Variants in TYW1B observed in about 807,000 individuals in gnomAD.
The protein encoded by TYW1B is tRNA-yW synthesizing protein 1 homolog B.
TYW1B carries 73 observed loss-of-function variants against 86.9 expected under a neutral mutation model. The ratio of observed to expected loss-of-function variants is 0.84; its 90% CI spans 0.70 to 1.02. The LOEUF is 1.02. TYW1B is among the 50% of genes least tolerant of loss of function. The pLI is 0.00. For synonymous variants in TYW1B, 248 were observed against 292.8 expected, an observed-to-expected ratio of 0.85 and a Z score of 1.56; for missense variants, 637 against 827.4, an observed-to-expected ratio of 0.77 and a Z score of 2.82.
intron 11 of TYW1B, among the ~76,000 whole-genome samples, chr7:72,688,582 C>T (rs558479914): frequency 2.0e-5 from 3 of 152,194 alleles, no homozygotes; most frequent in Admixed American, 1.3e-4. Flanking sequence ...ATGTGCTTCA[C>T]GTTGAAAGCT....
chr7:72,707,174 G>A (rs1814634024), intron 10 of TYW1B, among the ~76,000 whole-genome samples: 1 of 152,248 alleles, frequency 6.6e-6, no homozygotes, highest in South Asian at 2.1e-4. Flanking sequence ...TGTGTGACTT[G>A]CTTTGGTCCA....
chr7:72,598,227 C>T (rs1339262710), intron 13 of TYW1B, among the ~76,000 whole-genome samples: 4 of 151,874 alleles, frequency 2.6e-5, no homozygotes, highest in African/African-American at 7.3e-5. Context: ...TAGCCTCCCA[C>T]CCTACATCTC....
At chr7:72,595,199 AT>A (rs1336341248) in intron 13 of TYW1B, among the ~76,000 whole-genome samples, 1 of 152,214 alleles carries the variant, frequency 6.6e-6, no homozygotes, top group Non-Finnish European at 1.5e-5. Flanking sequence ...AAGTAAAATA[AT>A]TTTTGTTTTT....
intron 7 of TYW1B, among the ~76,000 whole-genome samples, chr7:72,771,122 C>T (rs561286455): frequency 3.3e-5 from 5 of 152,138 alleles, no homozygotes; most frequent in African/African-American, 1.2e-4. Flanking sequence ...ACCAGGACAC[C>T]TGGCTAATTT....
chr7:72,739,544 T>C (rs1787264456), intron 8 of TYW1B, among the ~76,000 whole-genome samples: 1 of 149,438 alleles, frequency 6.7e-6, no homozygotes. Context: ...AGGCGGAGGT[T>C]GCAGTGAGCC....
chr7:72,642,967 G>C (rs1484493098), intron 11 of TYW1B, among the ~76,000 whole-genome samples: 1 of 152,140 alleles, frequency 6.6e-6, no homozygotes, highest in African/African-American at 2.4e-5. Context: ...TATACTAACT[G>C]TAAGAAGACA....
At chr7:72,726,016 T>G (rs1322626777) in intron 9 of TYW1B, among the ~76,000 whole-genome samples, 3 of 152,132 alleles carry the variant, frequency 2.0e-5, no homozygotes, top group Admixed American at 2.0e-4. Context: ...ATAGCTTACT[T>G]GAAGATCAAC....
At chr7:72,770,805 T>C (rs1787853700) in intron 7 of TYW1B, among the ~76,000 whole-genome samples, 1 of 152,118 alleles carries the variant, frequency 6.6e-6, no homozygotes, top group Non-Finnish European at 1.5e-5. Context: ...GGTATATTCA[T>C]ACAATGGCAT....
At chr7:72,674,016 A>T (rs1404559646) in intron 11 of TYW1B, among the ~76,000 whole-genome samples, 1 of 152,112 alleles carries the variant, frequency 6.6e-6, no homozygotes, top group Non-Finnish European at 1.5e-5. Context: ...AACCAGGAGG[A>T]CTACCAGTTC....
chr7:72,665,050 C>T (rs1813428999), intron 11 of TYW1B, among the ~76,000 whole-genome samples: 1 of 152,088 alleles, frequency 6.6e-6, no homozygotes, highest in African/African-American at 2.4e-5. Flanking sequence ...TTGGTTGAAT[C>T]TGCAAGGACA....
At chr7:72,674,055 AC>A (rs1813677986) in intron 11 of TYW1B, among the ~76,000 whole-genome samples, 1 of 152,130 alleles carries the variant, frequency 6.6e-6, no homozygotes, top group Non-Finnish European at 1.5e-5. Flanking sequence ...TGGGCATCAT[AC>A]AGATGGCTTG....
chr7:72,646,914 A>G (rs1240743934), intron 11 of TYW1B, among the ~76,000 whole-genome samples: 1 of 152,226 alleles, frequency 6.6e-6, no homozygotes, highest in African/African-American at 2.4e-5. Context: ...TTAAAAATAT[A>G]TAGTCATGAG....
intron 2 of TYW1B, among the ~76,000 whole-genome samples, chr7:72,823,730 A>G (rs1788876604): frequency 6.6e-6 from 1 of 152,194 alleles, no homozygotes; most frequent in Admixed American, 6.5e-5. Flanking sequence ...ATCAACTATG[A>G]TATGGACAGC....
At chr7:72,642,321 C>T (rs191728934) in intron 11 of TYW1B, among the ~76,000 whole-genome samples, 1 of 152,222 alleles carries the variant, frequency 6.6e-6, no homozygotes, top group East Asian at 1.9e-4. Context: ...ACATAAGCAA[C>T]AGAAGGAGGA....
At chr7:72,737,004 G>A (rs1280940777) in intron 8 of TYW1B, among the ~76,000 whole-genome samples, 2 of 152,072 alleles carry the variant, frequency 1.3e-5, no homozygotes, top group Non-Finnish European at 2.9e-5. Context: ...CTCCAGCCTG[G>A]GTGACAGAGC....
At chr7:72,655,068 A>G (rs1554443431) in intron 11 of TYW1B, among the ~76,000 whole-genome samples, 1 of 152,186 alleles carries the variant, frequency 6.6e-6, no homozygotes, top group African/African-American at 2.4e-5. Flanking sequence ...ATGGTTGACT[A>G]GAGGCGCTTG....
intron 3 of TYW1B, among the ~76,000 whole-genome samples, chr7:72,812,198 A>G (rs1554478487): frequency 6.6e-6 from 1 of 151,490 alleles, no homozygotes; most frequent in Non-Finnish European, 1.5e-5. Context: ...TATCAAGTCT[A>G]AACACAAAAT....
chr7:72,723,825 T>C lies in TYW1B; in HGVS notation c.1192+4997A>G, dbSNP rs535313650. On this transcript the variant is annotated intron_variant, in intron 9 of 13. Transcript: ENST00000620995. ...CTTGCTGCCAAGAGAACAGAAAATA[T>C]AATCAATATTCTGAAGTACTAAAAT... Among the ~76,000 whole-genome samples the C allele has an allele frequency of 7.6e-4, 116 of 152,128 alleles. 1 individual carries two copies. Among genetic ancestry groups the C allele is most frequent in the African/African-American group, 2.5e-3 (104 of 41,488 alleles).
intron 7 of TYW1B, among the ~76,000 whole-genome samples, chr7:72,747,515 C>T (rs1430192698): frequency 6.6e-6 from 1 of 152,164 alleles, no homozygotes; most frequent in Non-Finnish European, 1.5e-5. Context: ...TTTCTGGGAT[C>T]TCTAGTCTCT....
Sources: gnomAD v4.1 joint callset for allele counts (sites outside exome capture counted in the v4.1 genomes callset) on GRCh38, gnomAD v4.1.1 for gene constraint, MANE v1.5 for transcripts, NCBI Gene and HGNC (gene_info 2026-07-23, HGNC 2026-07-21) for gene names.